Variants in CPAMD8 observed in about 807,000 individuals in gnomAD.
The protein encoded by CPAMD8 is C3 and PZP-like alpha-2-macroglobulin domain-containing protein 8.
Under a neutral mutation model 224.7 loss-of-function variants are expected in CPAMD8, and 146 were observed. The ratio of observed to expected loss-of-function variants is 0.65; its 90% CI spans 0.57 to 0.75. The LOEUF (loss-of-function observed/expected upper bound fraction) is 0.75. CPAMD8 is among the 30% of genes least tolerant of loss of function. The probability of loss-of-function intolerance (pLI) is 0.00; values close to 1 mark genes in which losing one functional copy is unlikely to be tolerated. For synonymous variants in CPAMD8, 966 were observed against 1,044.6 expected (o/e 0.92, Z 1.45); for missense variants, 2,301 against 2,537.5 (o/e 0.91, Z 2.00).
At chr19:17,023,210 A>G (rs962479665) in intron 1 of CPAMD8, among the ~76,000 whole-genome samples, 3 of 152,068 alleles carry the variant, frequency 2.0e-5, no homozygotes, top group Non-Finnish European at 4.4e-5. Flanking sequence ...GGGAGGCATT[A>G]CCCCCAGTTT....
intron 19 of CPAMD8, among the ~76,000 whole-genome samples, chr19:16,956,842 G>A (rs937724369): frequency 5.9e-5 from 9 of 151,814 alleles, no homozygotes; most frequent in African/African-American, 1.9e-4. Flanking sequence ...TATTTTTTGC[G>A]TTTTTAGTAG....
intron 25 of CPAMD8, among the ~76,000 whole-genome samples, chr19:16,927,599 C>T (rs1358025431): frequency 6.6e-6 from 1 of 152,120 alleles, no homozygotes; most frequent in Admixed American, 6.6e-5. Context: ...CAAGACCCCC[C>T]AGGCCTCCAT....
chr19:16,929,245 A>T lies in CPAMD8; in HGVS notation c.2846-5T>A. 1 of 1,593,876 alleles carries T rather than the reference A, an allele frequency of 6.3e-7. No homozygotes were observed. The highest frequency in any genetic ancestry group is 8.6e-7 in the Non-Finnish European group (1 of 1,166,220). ...GGGTGGAGATGTGGACTCTCTCTGG[A>T]TGGAGGAAAGGAGATGGGGAGTTGA... On this transcript the variant is annotated splice_polypyrimidine_tract_variant and splice_region_variant and intron_variant, in intron 23 of 41. Transcript: ENST00000443236.
intron 25 of CPAMD8, among the ~76,000 whole-genome samples, chr19:16,926,038 G>A (rs2053347227): frequency 6.6e-6 from 1 of 152,002 alleles, no homozygotes; most frequent in African/African-American, 2.4e-5. Context: ...CGGAATTACA[G>A]GCGTGATCCA....
At chr19:16,967,744 GC>G (rs2054878066) in intron 18 of CPAMD8, among the ~76,000 whole-genome samples, 1 of 151,436 alleles carries the variant, frequency 6.6e-6, no homozygotes, top group Non-Finnish European at 1.5e-5. Flanking sequence ...GGTAGGCAGA[GC>G]TTGTAGTAAG....
intron 23 of CPAMD8, among the ~76,000 whole-genome samples, chr19:16,937,484 T>C (rs2053733779): frequency 6.6e-6 from 1 of 152,014 alleles, no homozygotes; most frequent in Non-Finnish European, 1.5e-5. Flanking sequence ...TGTGTTGTTG[T>C]TGTTGTTTTG....
intron 22 of CPAMD8, among the ~76,000 whole-genome samples, chr19:16,941,489 A>G (rs1013411998): frequency 6.6e-6 from 1 of 152,124 alleles, no homozygotes; most frequent in Non-Finnish European, 1.5e-5. Context: ...ATCCATAGAG[A>G]CAGAACCAGA....
chr19:16,919,222 G>T (rs1000172484), intron 27 of CPAMD8, among the ~76,000 whole-genome samples: 1 of 151,632 alleles, frequency 6.6e-6, no homozygotes, highest in African/African-American at 2.4e-5. Context: ...AAAAAAAAAA[G>T]GAATAGAATA....
At chr19:16,940,539 G>A (rs192430422) in intron 22 of CPAMD8, among the ~76,000 whole-genome samples, 7 of 152,246 alleles carry the variant, frequency 4.6e-5, no homozygotes, top group African/African-American at 1.4e-4. Flanking sequence ...TCTTCTCAGT[G>A]CTACTGACAG....
chr19:16,925,494 G>C (rs1484760739), intron 25 of CPAMD8, 122 bp from the exon 26 acceptor site: 1 of 756,658 alleles, frequency 1.3e-6, no homozygotes, highest in Non-Finnish European at 2.3e-6. Context: ...ACTGCCCTTT[G>C]GGACTGGCAC....
intron 41 of CPAMD8, chr19:16,895,899 G>GCA: frequency 1.8e-6 from 1 of 546,146 alleles, no homozygotes; most frequent in African/African-American, 2.3e-5. Context: ...GCGCGCGCGC[G>GCA]CACGCACACA....
At chr19:16,903,935 C>A (rs1025717388) in intron 32 of CPAMD8, 78 bp from the exon 33 acceptor site, 4 of 1,451,882 alleles carry the variant, frequency 2.8e-6, no homozygotes, top group Non-Finnish European at 3.8e-6. Flanking sequence ...TCTTGGAAGC[C>A]TAGCCTAAAA....
chr19:17,026,759 C>A lies in CPAMD8; in HGVS notation c.-117G>T. On this transcript the variant is annotated 5_prime_UTR_variant, in exon 1 of 42. Transcript: ENST00000443236. ...CCGCCGGGGGCCCTTTGTTCGCAGC[C>A]CCCGCGCAGTGCGCCCGGCGCCATG... The A allele has an allele frequency of 8.4e-7, 1 of 1,188,636 alleles. No individual in the cohort carries two copies. Among genetic ancestry groups the A allele is most frequent in the Non-Finnish European group, 1.0e-6 (1 of 960,970 alleles). 73.6% of individuals were successfully genotyped at this position (1,188,636 alleles called of 1,614,324 possible).
chr19:16,929,180 C>A lies in CPAMD8; in HGVS notation c.2906G>T (p.Arg969Leu), dbSNP rs530515090. ...YEFQYVQRPL[R>L]LTRFDVAVRA... ...CACAGCCACATCAAAGCGGGTGAGG[C>A]GCAGTGGCCGCTGCACATACTGGAA... The change falls in exon 24 of 42, where the codon CGC (arginine) becomes CTC (leucine). Residue 969 changes from arginine to leucine, a missense_variant. This residue lies in a region of CPAMD8 where 1,709 missense variants were observed against 1,753.2 expected (regional missense o/e 0.97). Coordinates refer to ENST00000443236, the MANE Select transcript of CPAMD8 (RefSeq NM_015692.5). 1.2e-6 allele frequency: 2 copies of A among 1,613,952 alleles called. No homozygotes were observed. The highest frequency in any genetic ancestry group is 1.7e-4 in the Middle Eastern group (1 of 6,052).
chr19:16,992,808 G>A (rs1042993458), intron 12 of CPAMD8, among the ~76,000 whole-genome samples: 1 of 151,938 alleles, frequency 6.6e-6, no homozygotes, highest in Non-Finnish European at 1.5e-5. Context: ...GCATGCACGT[G>A]TAATCTCAGG....
intron 20 of CPAMD8, among the ~76,000 whole-genome samples, chr19:16,948,597 T>C (rs1161024914): frequency 1.3e-5 from 2 of 151,478 alleles, no homozygotes; most frequent in Non-Finnish European, 2.9e-5. Flanking sequence ...AGACCAGGCG[T>C]AGTGCTGGGC....
At chr19:16,950,733 C>T (rs2054271738) in intron 20 of CPAMD8, among the ~76,000 whole-genome samples, 1 of 141,444 alleles carries the variant, frequency 7.1e-6, no homozygotes, top group Admixed American at 7.6e-5. Flanking sequence ...GTCAAGGCTG[C>T]AGTGAGCTGT....
rs1340488432 is a variant in CPAMD8, at chr19:16,896,436, G to GCCC, written c.5275+19_5275+20insGGG. The stretch of plus-strand genomic sequence containing the variant: ...GCAGCGATGGTGTCCCCGAGGCTAG[G>GCCC]CGGGGGGTAGGGTCCTCACCGAGGG... On this transcript the variant is annotated intron_variant, in intron 40 of 41. Coordinates refer to ENST00000443236, the MANE Select transcript of CPAMD8 (RefSeq NM_015692.5). 6.8e-7 allele frequency: 1 copy of GCCC among 1,466,976 alleles called. No homozygotes were observed. Among genetic ancestry groups the GCCC allele is most frequent in the Non-Finnish European group, 9.0e-7 (1 of 1,111,066 alleles). The allele number at this position is 1,466,976 out of a possible 1,614,324, so 90.9% of individuals were successfully genotyped here.
intron 6 of CPAMD8, chr19:17,008,803 C>A: frequency 1.8e-6 from 1 of 557,880 alleles, no homozygotes; most frequent in South Asian, 2.1e-5. Flanking sequence ...TAGAAATGGA[C>A]GTGGCTGGGT....
Sources: gnomAD v4.1 joint callset for allele counts (sites outside exome capture counted in the v4.1 genomes callset) on GRCh38, gnomAD v4.1.1 for gene constraint, gnomAD v4.1.1 regional missense constraint, MANE v1.5 for transcripts, NCBI Gene and HGNC (gene_info 2026-07-23, HGNC 2026-07-21) for gene names.